Variants in SSH2 observed in about 807,000 individuals in gnomAD.
SSH2 encodes protein phosphatase Slingshot homolog 2.
Under a neutral mutation model 135.2 loss-of-function variants are expected in SSH2, and 37 were observed. The ratio of observed to expected loss-of-function variants is 0.27; its 90% CI spans 0.21 to 0.36. The LOEUF (loss-of-function observed/expected upper bound fraction) is 0.36. Ranked by LOEUF, SSH2 falls within the 10% of genes least tolerant of loss-of-function variation. The pLI, the probability that SSH2 is intolerant of heterozygous loss-of-function variation, is 1.00. For synonymous variants in SSH2, 628 were observed against 646.2 expected, an observed-to-expected ratio of 0.97 and a Z score of 0.43; for missense variants, 1,408 against 1,765.3, an observed-to-expected ratio of 0.80 and a Z score of 3.63.
chr17:29,782,207 T>A (rs2041856273), intron 3 of SSH2, among the ~76,000 whole-genome samples: 1 of 152,176 alleles, frequency 6.6e-6, no homozygotes, highest in Non-Finnish European at 1.5e-5. Context: ...TTGTTTCATA[T>A]ATCCAAAGTC....
intron 2 of SSH2, among the ~76,000 whole-genome samples, chr17:29,838,411 T>A (rs1316097619): frequency 6.6e-6 from 1 of 152,186 alleles, no homozygotes; most frequent in Non-Finnish European, 1.5e-5. Flanking sequence ...CAGACAATGG[T>A]CAGTCCCTGG....
intron 1 of SSH2, among the ~76,000 whole-genome samples, chr17:29,899,768 T>C (rs1853285239): frequency 2.0e-5 from 3 of 152,156 alleles, no homozygotes; most frequent in South Asian, 4.1e-4. Context: ...CTTCACAGAA[T>C]TGGAAAAATC....
intron 2 of SSH2, among the ~76,000 whole-genome samples, chr17:29,800,316 T>A (rs2042227231): frequency 6.6e-6 from 1 of 152,176 alleles, no homozygotes; most frequent in South Asian, 2.1e-4. Context: ...TTCAGCAGAA[T>A]TCACCGCCAA....
intron 1 of SSH2, among the ~76,000 whole-genome samples, chr17:29,917,084 G>A (rs1302159708): frequency 1.3e-5 from 2 of 151,574 alleles, no homozygotes; most frequent in African/African-American, 4.9e-5. Flanking sequence ...AAGTACAGAG[G>A]TGGGAGAGCA....
intron 2 of SSH2, among the ~76,000 whole-genome samples, chr17:29,814,426 C>G (rs2042515410): frequency 1.1e-5 from 1 of 87,242 alleles, no homozygotes; most frequent in East Asian, 3.9e-4. Context: ...GAGCAAGACT[C>G]TGTCTCAAAA....
intron 3 of SSH2, chr17:29,780,317 T>A (rs1237573200): frequency 6.6e-6 from 1 of 152,208 alleles, no homozygotes; most frequent in Non-Finnish European, 1.5e-5. Context: ...AATGTTAACA[T>A]CATCACTCTA....
rs138389091 is a variant in SSH2, at chr17:29,748,588, A to C, written c.188+45306T>G. ...TCAATTACTCAATTATCAATTATTC[A>C]GTTATGCTTGCCCATTTCTGTAGAA... On this transcript the variant is annotated intron_variant, in intron 3 of 15. Coordinates refer to ENST00000540801, the MANE Select transcript of SSH2 (RefSeq NM_001282129.2). Among the ~76,000 whole-genome samples the C allele has an allele frequency of 3.9e-5, 6 of 152,306 alleles. No homozygotes were observed. In the East Asian group the frequency reaches 1.2e-3, roughly 29 times the overall value.
intron 1 of SSH2, among the ~76,000 whole-genome samples, chr17:29,870,785 A>C (rs970025953): frequency 6.6e-6 from 1 of 152,178 alleles, no homozygotes; most frequent in Non-Finnish European, 1.5e-5. Context: ...CCATGCCTTC[A>C]TTGTCTATTT....
chr17:29,822,697 C>T (rs2042674819), intron 2 of SSH2, among the ~76,000 whole-genome samples: 1 of 152,132 alleles, frequency 6.6e-6, no homozygotes, highest in Admixed American at 6.5e-5. Context: ...TTCTTCTGGT[C>T]CTAGTTTCCT....
intron 8 of SSH2, among the ~76,000 whole-genome samples, chr17:29,672,974 TG>T (rs1338054602): frequency 1.3e-5 from 2 of 152,142 alleles, no homozygotes; most frequent in Non-Finnish European, 2.9e-5. Flanking sequence ...CCAAAAATGC[TG>T]GGATTACAGG....
chr17:29,678,093 A>ATT (rs56386467), intron 6 of SSH2, among the ~76,000 whole-genome samples: 1 of 136,032 alleles, frequency 7.4e-6, no homozygotes, highest in African/African-American at 2.7e-5. Context: ...GACTCCAAGG[A>ATT]TTTTTTTTTT....
At position 29,632,825 on chromosome 17, in the gene SSH2, A is replaced by G. The variant is rs6505140; in HGVS notation, c.2369T>C (p.Val790Ala). The G allele has an allele frequency of 3.9e-4, 632 of 1,613,416 alleles. 2 individuals carry two copies. The African/African-American group carries it at 8.0e-3, about 20-fold the overall frequency. The part of the protein sequence containing the change: ...VTEIESISQG[V>A]GQIQLKGDIL... ...GTCTCCTTTCAGTTGAATCTGCCCA[A>G]CTCCTTGACTGATGGACTCAATTTC... Residue 790 changes from valine (V) to alanine (A), a missense_variant, in exon 16 of 16, where the codon GTT becomes GCT. Physicochemically the swap from Val to Ala is moderately conservative, Grantham distance 64 (BLOSUM62 0). This residue lies in a region of SSH2 where 1,080 missense variants were observed against 1,144.5 expected (regional missense o/e 0.94). Transcript: ENST00000540801.
At chr17:29,926,887 C>G (rs983578920) in intron 1 of SSH2, among the ~76,000 whole-genome samples, 1 of 152,148 alleles carries the variant, frequency 6.6e-6, no homozygotes, top group Non-Finnish European at 1.5e-5. Flanking sequence ...AGAACTAGTT[C>G]GAGAGCCACC....
chr17:29,748,072 T>G (rs1332310058), intron 3 of SSH2, among the ~76,000 whole-genome samples: 1 of 152,218 alleles, frequency 6.6e-6, no homozygotes, highest in African/African-American at 2.4e-5. Context: ...AAATCTTGAC[T>G]TGAGCACATC....
chr17:29,675,007 T>C (rs979491145), intron 8 of SSH2, among the ~76,000 whole-genome samples: 5 of 152,220 alleles, frequency 3.3e-5, no homozygotes, highest in African/African-American at 1.2e-4. Context: ...AAAATATACC[T>C]GAAAATGCTG....
chr17:29,821,048 G>A (rs963734068), intron 2 of SSH2, among the ~76,000 whole-genome samples: 1 of 152,040 alleles, frequency 6.6e-6, no homozygotes, highest in African/African-American at 2.4e-5. Context: ...GCATCCCAGG[G>A]AAATATCTCA....
At chr17:29,665,714 T>C (rs1278606194) in intron 11 of SSH2, among the ~76,000 whole-genome samples, 2 of 152,224 alleles carry the variant, frequency 1.3e-5, no homozygotes, top group Non-Finnish European at 1.5e-5. Context: ...TTGTTAACTT[T>C]GTTCCCACTA....
chr17:29,789,641 A>G (rs1377579210), intron 3 of SSH2, among the ~76,000 whole-genome samples: 2 of 152,156 alleles, frequency 1.3e-5, no homozygotes, highest in Non-Finnish European at 2.9e-5. Context: ...ACTGGCAAGC[A>G]GAGTTGTGTG....
chr17:29,830,580 T>C (rs1420088719), intron 2 of SSH2, among the ~76,000 whole-genome samples: 12 of 152,238 alleles, frequency 7.9e-5, no homozygotes, highest in Admixed American at 7.9e-4. Flanking sequence ...GGAAGAATCA[T>C]GTTTATGGTT....
Sources: allele counts gnomAD v4.1 joint callset (sites outside exome capture counted in the v4.1 genomes callset), GRCh38; gene constraint gnomAD v4.1.1; regional missense constraint gnomAD v4.1.1; transcripts MANE v1.5; gene names NCBI Gene and HGNC (gene_info 2026-07-23, HGNC 2026-07-21).